The following RASA2 variants were observed in gnomAD, a reference collection of about 807,000 sequenced individuals.
The protein encoded by RASA2 is RAS p21 protein activator 2, also known as ras GTPase-activating protein 2.
In RASA2, 155 loss-of-function variants were observed where a neutral mutation model predicts 118.2. That is an observed-to-expected ratio of 1.31 (90% CI 1.15 to 1.50). RASA2 has a LOEUF of 1.50. Among genes scored for constraint, RASA2 ranks in the 40% most tolerant of loss-of-function variants. The pLI, the probability that RASA2 is intolerant of heterozygous loss-of-function variation, is 0.00. For missense variants in RASA2, 1,016 were observed against 1,009.6 expected, an observed-to-expected ratio of 1.01 and a Z score of -0.09; for synonymous variants, 353 against 349.1, an observed-to-expected ratio of 1.01 and a Z score of -0.12.
chr3:141,538,100 AACACACACACACAC>A (rs60054807), intron 4 of RASA2, among the ~76,000 whole-genome samples: 1 of 136,556 alleles, frequency 7.3e-6, no homozygotes, highest in Admixed American at 7.1e-5. Context: ...CAAAAAACAA[AACACACACACACAC>A]ACACACACAC....
intron 1 of RASA2, among the ~76,000 whole-genome samples, chr3:141,499,810 G>A (rs2081753067): frequency 6.6e-6 from 1 of 152,158 alleles, no homozygotes; most frequent in African/African-American, 2.4e-5. Context: ...TGTTAGCCAG[G>A]ATGGTCTCGA....
At position 141,487,085 on chromosome 3, in the gene RASA2, T is replaced by TGGCGGCGGCGGCGCCTGCTGC. The variant is rs1553778411; in HGVS notation, c.3_23dup (p.Ala5_Ala11dup). On this transcript the variant is annotated inframe_insertion, in exon 1 of 24. Coordinates refer to ENST00000286364, the MANE Select transcript of RASA2 (RefSeq NM_006506.5). ...CTGCGGCACGGGCCGGGCGGCACCA[T>TGGCGGCGGCGGCGCCTGCTGC]GGCGGCGGCGGCGCCTGCTGCTGCG... 1.7e-5 allele frequency: 23 copies of TGGCGGCGGCGGCGCCTGCTGC among 1,356,370 alleles called. No homozygotes were observed. Among genetic ancestry groups the TGGCGGCGGCGGCGCCTGCTGC allele is most frequent in the African/African-American group, 3.1e-5 (2 of 64,386 alleles). The allele number at this position is 1,356,370 out of a possible 1,614,324, so 84.0% of individuals were successfully genotyped here.
At chr3:141,586,122 A>G (rs2083197782) in intron 18 of RASA2, 24 bp downstream of exon 18, 1 of 1,549,402 alleles carries the variant, frequency 6.5e-7, no homozygotes, top group Non-Finnish European at 8.9e-7. Context: ...ATTAGACGTG[A>G]AAGTCATATA....
chr3:141,558,680 T>C (rs1052077395), intron 7 of RASA2, among the ~76,000 whole-genome samples: 2 of 141,302 alleles, frequency 1.4e-5, no homozygotes, highest in Non-Finnish European at 3.2e-5. Flanking sequence ...AACAAGCTGG[T>C]ATTATTTTGA....
chr3:141,545,099 T>G (rs984429059), intron 5 of RASA2, among the ~76,000 whole-genome samples: 30 of 152,166 alleles, frequency 2.0e-4, no homozygotes, highest in African/African-American at 7.2e-4. Context: ...TGACACAAGT[T>G]TGCCTATATA....
At chr3:141,544,222 G>T (rs1180538228) in intron 5 of RASA2, among the ~76,000 whole-genome samples, 1 of 152,058 alleles carries the variant, frequency 6.6e-6, no homozygotes, top group East Asian at 1.9e-4. Context: ...ATGTATCCTG[G>T]AATAGATTTA....
At chr3:141,565,226 C>G (rs2082800173) in intron 9 of RASA2, among the ~76,000 whole-genome samples, 2 of 152,128 alleles carry the variant, frequency 1.3e-5, no homozygotes, top group Non-Finnish European at 2.9e-5. Flanking sequence ...CTCAGGTGAT[C>G]CACCCGCCTT....
At chr3:141,599,455 G>A (rs2083429771) in intron 19 of RASA2, among the ~76,000 whole-genome samples, 1 of 152,070 alleles carries the variant, frequency 6.6e-6, no homozygotes, top group Non-Finnish European at 1.5e-5. Flanking sequence ...TTTAAATTTA[G>A]ACTTGTGTAC....
chr3:141,492,037 A>G (rs1019053809), intron 1 of RASA2, among the ~76,000 whole-genome samples: 2 of 152,248 alleles, frequency 1.3e-5, no homozygotes, highest in Admixed American at 6.5e-5. Flanking sequence ...GGAAGAATCC[A>G]TCTTTCAGAT....
chr3:141,502,071 AT>A (rs1268258759), intron 1 of RASA2, among the ~76,000 whole-genome samples: 1 of 152,190 alleles, frequency 6.6e-6, no homozygotes, highest in African/African-American at 2.4e-5. Flanking sequence ...AGCATTTCAG[AT>A]TTTCAGATTT....
At chr3:141,504,372 A>G (rs951224348) in intron 1 of RASA2, among the ~76,000 whole-genome samples, 1 of 152,190 alleles carries the variant, frequency 6.6e-6, no homozygotes, top group Non-Finnish European at 1.5e-5. Context: ...AAGGCATCTC[A>G]GATTTAATAT....
At chr3:141,499,658 G>A (rs977708682) in intron 1 of RASA2, among the ~76,000 whole-genome samples, 5 of 152,046 alleles carry the variant, frequency 3.3e-5, no homozygotes, top group African/African-American at 1.2e-4. Context: ...GGAGTGCAGT[G>A]GTGCGATCTC....
intron 15 of RASA2, among the ~76,000 whole-genome samples, chr3:141,579,792 A>T (rs886333999): frequency 6.6e-5 from 10 of 152,138 alleles, no homozygotes; most frequent in Middle Eastern, 3.4e-3. Context: ...CAAAAGGCTC[A>T]TGCCTGTAAT....
chr3:141,573,876 C>G (rs1054789290), intron 13 of RASA2, 68 bp from the exon 14 acceptor site: 2 of 1,322,648 alleles, frequency 1.5e-6, no homozygotes, highest in Non-Finnish European at 2.0e-6. Flanking sequence ...TTACATTTTT[C>G]TTTCATGAAG....
intron 1 of RASA2, among the ~76,000 whole-genome samples, chr3:141,511,750 T>C (rs554515485): frequency 1.3e-5 from 2 of 152,206 alleles, no homozygotes; most frequent in South Asian, 4.2e-4. Flanking sequence ...TTTCTTTTTG[T>C]GTGTTTTTTT....
intron 19 of RASA2, among the ~76,000 whole-genome samples, chr3:141,605,361 A>C (rs1310765902): frequency 6.6e-6 from 1 of 152,058 alleles, no homozygotes; most frequent in Non-Finnish European, 1.5e-5. Context: ...TTTTGGAAAG[A>C]CCTCAGTAAA....
At chr3:141,612,053 G>A (rs1200203838) in intron 23 of RASA2, among the ~76,000 whole-genome samples, 1 of 152,090 alleles carries the variant, frequency 6.6e-6, no homozygotes, top group African/African-American at 2.4e-5. Flanking sequence ...TAAGTTCCAT[G>A]ATGGCAAGGG....
intron 1 of RASA2, 67 bp from the exon 2 acceptor site, chr3:141,512,096 C>T: frequency 2.0e-6 from 2 of 1,002,978 alleles, no homozygotes; most frequent in Non-Finnish European, 3.0e-6. Flanking sequence ...TTGAAGTCAT[C>T]CTATATAAGG....
intron 23 of RASA2, among the ~76,000 whole-genome samples, 155 bp downstream of exon 23, chr3:141,610,221 CTTTGTGTTGTTCAG>C (rs1167584710): frequency 1.3e-5 from 2 of 150,106 alleles, no homozygotes; most frequent in Non-Finnish European, 2.9e-5. Flanking sequence ...TCCAAGTGCT[CTTTGTGTTGTTCAG>C]TTTAGCCATC....
Sources: allele counts gnomAD v4.1 joint callset (sites outside exome capture counted in the v4.1 genomes callset), GRCh38; gene constraint gnomAD v4.1.1; transcripts MANE v1.5; gene names NCBI Gene and HGNC (gene_info 2026-07-23, HGNC 2026-07-21).